Variants in SGCD observed in about 807,000 individuals in gnomAD.
The protein encoded by SGCD is sarcoglycan delta.
SGCD carries 18 observed loss-of-function variants against 36.6 expected under a neutral mutation model. That is an observed-to-expected ratio of 0.49 (90% CI 0.34 to 0.73). The LOEUF (loss-of-function observed/expected upper bound fraction) is 0.73, where lower values mean the gene tolerates loss of function less well. SGCD is among the 30% of genes least tolerant of loss of function. The pLI is 0.01. For synonymous variants in SGCD, 133 were observed against 130.6 expected (o/e 1.02, Z -0.12); for missense variants, 387 against 346.7 (o/e 1.12, Z -0.92).
intron 1 of SGCD, among the ~76,000 whole-genome samples, chr5:155,901,450 G>C (rs1178849067): frequency 6.6e-6 from 1 of 152,164 alleles, no homozygotes; most frequent in East Asian, 1.9e-4. Flanking sequence ...GGGCCCTAAG[G>C]AGACTAAGAT....
At chr5:155,731,018 G>A in the SGCD span, among the ~76,000 whole-genome samples, 2 of 152,156 alleles carry the variant, frequency 1.3e-5, no homozygotes, top group African/African-American at 4.8e-5. Flanking sequence ...CAGGAGCTGG[G>A]GGCCAAGAGG....
intron 3 of SGCD, among the ~76,000 whole-genome samples, chr5:156,436,015 A>G (rs1244528653): frequency 3.3e-5 from 5 of 152,100 alleles, no homozygotes; most frequent in Non-Finnish European, 5.9e-5. Context: ...CCAAGTGTGG[A>G]CCCCACCTGT....
intron 1 of SGCD, among the ~76,000 whole-genome samples, chr5:155,961,951 G>A (rs371048648): frequency 1.3e-5 from 2 of 151,912 alleles, no homozygotes; most frequent in East Asian, 1.9e-4. Context: ...AAATAATTAC[G>A]GTCTGAAGAC....
At chr5:155,906,873 G>T (rs576365680) in intron 1 of SGCD, among the ~76,000 whole-genome samples, 217 of 116,144 alleles carry the variant, frequency 1.9e-3, no homozygotes, top group Admixed American at 2.7e-3. Flanking sequence ...ATTGATGAAG[G>T]TGGCTACATG....
chr5:156,740,846 A>C (rs1756634214), intron 7 of SGCD, among the ~76,000 whole-genome samples: 2 of 152,204 alleles, frequency 1.3e-5, no homozygotes, highest in South Asian at 4.1e-4. Context: ...GACCACAATG[A>C]AATTTCCCAC....
intron 1 of SGCD, among the ~76,000 whole-genome samples, chr5:156,013,095 G>A (rs1362354074): frequency 2.0e-5 from 3 of 149,300 alleles, no homozygotes; most frequent in Non-Finnish European, 4.4e-5. Context: ...GCACCATCTC[G>A]GCTCACTGCA....
chr5:156,530,709 A>T (rs1757852180), intron 4 of SGCD, among the ~76,000 whole-genome samples: 1 of 151,906 alleles, frequency 6.6e-6, no homozygotes, highest in African/African-American at 2.4e-5. Flanking sequence ...CCTCTTGAGT[A>T]ACTAGGATTA....
intron 1 of SGCD, among the ~76,000 whole-genome samples, chr5:156,329,158 G>GA (rs1477774677): frequency 2.0e-5 from 3 of 152,170 alleles, no homozygotes; most frequent in African/African-American, 7.2e-5. Context: ...GCGGAAGGGG[G>GA]AAGGATACAG....
At chr5:155,836,560 A>G in the SGCD span, among the ~76,000 whole-genome samples, 3 of 145,148 alleles carry the variant, frequency 2.1e-5, no homozygotes, top group Non-Finnish European at 4.5e-5. Context: ...GTTTGCTGTC[A>G]GGGTTCAGAG....
intron 3 of SGCD, among the ~76,000 whole-genome samples, chr5:156,271,255 C>T (rs1480549447): frequency 6.6e-6 from 1 of 152,098 alleles, no homozygotes; most frequent in Non-Finnish European, 1.5e-5. Flanking sequence ...AACACCATGG[C>T]ATATAGATCT....
At chr5:156,317,207 A>C (rs1292035450) in intron 3 of SGCD, among the ~76,000 whole-genome samples, 1 of 152,118 alleles carries the variant, frequency 6.6e-6, no homozygotes, top group African/African-American at 2.4e-5. Flanking sequence ...ATATCTGCTA[A>C]TATTTGAAGA....
At chr5:155,941,745 C>T (rs1757331480) in intron 1 of SGCD, among the ~76,000 whole-genome samples, 1 of 151,972 alleles carries the variant, frequency 6.6e-6, no homozygotes, top group Admixed American at 6.6e-5. Flanking sequence ...TCATACATTA[C>T]TTATCATTAC....
At chr5:156,392,965 C>G (rs550129837) in intron 3 of SGCD, among the ~76,000 whole-genome samples, 1 of 152,034 alleles carries the variant, frequency 6.6e-6, no homozygotes, top group Non-Finnish European at 1.5e-5. Context: ...AGGATGGGGG[C>G]GTGGCGGGGA....
intron 1 of SGCD, among the ~76,000 whole-genome samples, chr5:155,916,369 A>T (rs1038744462): frequency 6.6e-6 from 1 of 152,146 alleles, no homozygotes; most frequent in African/African-American, 2.4e-5. Flanking sequence ...GTTTCTTTGA[A>T]AGTTCTTTAA....
intron 1 of SGCD, among the ~76,000 whole-genome samples, chr5:156,104,099 C>T (rs896804438): frequency 6.6e-6 from 1 of 152,058 alleles, no homozygotes; most frequent in Non-Finnish European, 1.5e-5. Flanking sequence ...TAACTTTGGG[C>T]TAGTTGTCCC....
rs55795142 is a variant in SGCD, at chr5:156,487,960, T to TTA, written c.193-20621_193-20620dup. ...ATCTCAATAAGAAATGTAACATATATTATATATATATATATATATATCAAA... is the reference window on the plus strand; with the variant it reads ...ATCTCAATAAGAAATGTAACATATATTATATATATATATATATATATATCAAA... On this transcript the variant is annotated intron_variant, in intron 3 of 8. Transcript: ENST00000337851. Among the ~76,000 whole-genome samples, 691 of 136,680 alleles carry TTA rather than the reference T, an allele frequency of 5.1e-3. 4 individuals carry two copies. The highest frequency in any genetic ancestry group is 9.2e-3 in the Admixed American group (126 of 13,644). The allele number at this position is 136,680 out of a possible 152,430, so 89.7% of individuals were successfully genotyped here.
intron 3 of SGCD, among the ~76,000 whole-genome samples, chr5:156,400,745 C>T (rs1390424207): frequency 2.6e-5 from 4 of 152,180 alleles, no homozygotes; most frequent in Non-Finnish European, 5.9e-5. Context: ...CAGCTTTTTA[C>T]TTCTTGGACT....
rs568010849 is a variant in SGCD, at chr5:156,236,349, T to A, written c.-43-93185T>A. Among the ~76,000 whole-genome samples the A allele has an allele frequency of 1.7e-3, 262 of 152,320 alleles. 1 individual carries two copies. The highest frequency in any genetic ancestry group is 6.0e-3 in the African/African-American group (248 of 41,590). ...GTAGTGAGTTCTTACTTTATGACAA[T>A]TCACTATTCTACCACCTAAAGTTAA... On this transcript the variant is annotated intron_variant, in intron 3 of 9. Coordinates refer to the SGCD transcript ENST00000517913.
intron 3 of SGCD, among the ~76,000 whole-genome samples, chr5:156,230,172 T>C (rs1461517963): frequency 3.9e-5 from 6 of 152,182 alleles, no homozygotes; most frequent in Non-Finnish European, 2.9e-5. Flanking sequence ...CTGAATTCTT[T>C]TTGGAGTAAA....
Sources: gnomAD v4.1 joint callset for allele counts (sites outside exome capture counted in the v4.1 genomes callset) on GRCh38, gnomAD v4.1.1 for gene constraint, MANE v1.5 for transcripts, NCBI Gene and HGNC (gene_info 2026-07-23, HGNC 2026-07-21) for gene names.